Variants in MORN1 observed in about 807,000 individuals in gnomAD.
MORN1 encodes the protein MORN repeat-containing protein 1.
A neutral mutation model predicts 61.9 loss-of-function variants in MORN1; 67 were observed. That is an observed-to-expected ratio of 1.08 (90% confidence interval 0.89 to 1.33). The LOEUF is 1.33. MORN1 is among the 40% of genes most tolerant of loss of function. MORN1 has a pLI of 0.00. For missense variants in MORN1, 752 were observed against 691.2 expected, an observed-to-expected ratio of 1.09 and a Z score of -0.99; for synonymous variants, 301 against 292.0, an observed-to-expected ratio of 1.03 and a Z score of -0.31.
intron 12 of MORN1, 69 bp downstream of exon 12, chr1:2,336,400 C>T: frequency 6.6e-7 from 1 of 1,508,822 alleles, no homozygotes; most frequent in Non-Finnish European, 9.1e-7. Flanking sequence ...CCCCGTCCTC[C>T]TGGCCCAGCT....
chr1:2,374,760 A>G, intron 6 of MORN1: 1 of 554,550 alleles, frequency 1.8e-6, no homozygotes, highest in African/African-American at 1.9e-5. Context: ...TTTGCTTTGC[A>G]AAATATACTC....
At chr1:2,339,193 G>A (rs1003856426) in intron 10 of MORN1, among the ~76,000 whole-genome samples, 3 of 152,158 alleles carry the variant, frequency 2.0e-5, no homozygotes, top group African/African-American at 7.2e-5. Context: ...CCCCAGCCTT[G>A]GCCTCAGAGG....
intron 6 of MORN1, among the ~76,000 whole-genome samples, chr1:2,382,690 T>C (rs1297975561): frequency 1.3e-5 from 2 of 152,250 alleles, no homozygotes; most frequent in East Asian, 1.9e-4. Flanking sequence ...AGTCTGGTCC[T>C]GTAGGATGGA....
chr1:2,390,580 T>C, intron 1 of MORN1: 2 of 985,298 alleles, frequency 2.0e-6, no homozygotes, highest in Non-Finnish European at 2.4e-6. Context: ...CAGGCACATT[T>C]TGTGGGCAGG....
chr1:2,324,019 A>G, intron 13 of MORN1, 78 bp downstream of exon 13: 1 of 1,484,316 alleles, frequency 6.7e-7, no homozygotes, highest in Non-Finnish European at 9.0e-7. Flanking sequence ...CCCCAACCCC[A>G]CCTCCAGCCC....
chr1:2,322,493 G>T, intron 13 of MORN1: 1 of 985,406 alleles, frequency 1.0e-6, no homozygotes, highest in Non-Finnish European at 1.2e-6. Context: ...CGTTCCCAGG[G>T]CTGGACAAGA....
chr1:2,374,643 A>C, intron 6 of MORN1, 86 bp from the exon 7 acceptor site: 1 of 1,174,270 alleles, frequency 8.5e-7, no homozygotes, highest in Non-Finnish European at 1.2e-6. Flanking sequence ...TCCTGGTGCT[A>C]CAGCAGGGCC....
chr1:2,387,882 C>T lies in MORN1; in HGVS notation c.248-353G>A, dbSNP rs1346361334. On this transcript the variant is annotated intron_variant, in intron 3 of 13. Coordinates refer to ENST00000378531, the MANE Select transcript of MORN1 (RefSeq NM_024848.3). ...ACACCTCCACTGAGAACCCACCGAC[C>T]CCTCTGGCGTGAGGGTCTGAGGTTC... 1.2e-5 allele frequency: 5 copies of T among 419,910 alleles called. No homozygotes were observed. The East Asian group carries it at 2.0e-4, about 17-fold the overall frequency. The allele number at this position is 419,910 out of a possible 1,614,324, so 26.0% of individuals were successfully genotyped here.
intron 6 of MORN1, among the ~76,000 whole-genome samples, chr1:2,383,851 C>T (rs1383297395): frequency 5.9e-5 from 9 of 152,152 alleles, no homozygotes; most frequent in Admixed American, 2.0e-4. Flanking sequence ...CTTGGTTAAC[C>T]GTGAAGCACC....
intron 12 of MORN1, among the ~76,000 whole-genome samples, chr1:2,331,557 C>T (rs955319527): frequency 4.6e-5 from 7 of 152,244 alleles, no homozygotes; most frequent in Admixed American, 2.0e-4. Context: ...AGGGTCAGAG[C>T]GTGCCTGAGG....
At position 2,336,726 on chromosome 1, in the gene MORN1, G is replaced by T. The variant is rs897828034; in HGVS notation, c.1161C>A (p.Ser387Arg). ...CCCCGTGGGCACCCACCTTGTGGAG[G>T]CTGTCCAGGAACAGGAAGGGGTGGT... Reference protein sequence around the residue: ...PGYHPFLFLDSLHKKAGGRSR... With the variant: ...PGYHPFLFLDRLHKKAGGRSR... The change falls in exon 11 of 14, where the codon AGC becomes AGA. Residue 387 changes from serine to arginine, a missense_variant. Physicochemically the swap from Ser to Arg is moderately radical, Grantham distance 110. Coordinates refer to ENST00000378531, the MANE Select transcript of MORN1 (RefSeq NM_024848.3). 4 of 1,571,048 alleles carry T rather than the reference G, an allele frequency of 2.5e-6. No individual in the cohort carries two copies. Among genetic ancestry groups the T allele is most frequent in the Non-Finnish European group, 3.5e-6 (4 of 1,159,018 alleles).
chr1:2,329,124 C>T (rs11808208), intron 12 of MORN1, among the ~76,000 whole-genome samples: 3,994 of 152,224 alleles, frequency 0.026, 174 homozygotes, highest in African/African-American at 0.091. Context: ...TTTGGGGGAG[C>T]CTGTTCACCT....
intron 10 of MORN1, among the ~76,000 whole-genome samples, chr1:2,345,857 A>ACACACACACACAC (rs1298968582): frequency 1.0e-5 from 1 of 99,822 alleles, no homozygotes; most frequent in Non-Finnish European, 2.6e-5. Flanking sequence ...ACACACACAG[A>ACACACACACACAC]TGTTTGCTCT....
chr1:2,389,891 G>T, intron 2 of MORN1, 34 bp downstream of exon 2: 1 of 1,591,198 alleles, frequency 6.3e-7, no homozygotes. Flanking sequence ...CTGTGGGGCA[G>T]CAGCTGCAAG....
At chr1:2,341,591 T>A (rs1212771147) in intron 10 of MORN1, among the ~76,000 whole-genome samples, 1 of 150,938 alleles carries the variant, frequency 6.6e-6, no homozygotes, top group African/African-American at 2.4e-5. Flanking sequence ...CTCGGGAGGC[T>A]GAGGCACGAG....
chr1:2,380,257 C>T (rs961384270), intron 6 of MORN1, among the ~76,000 whole-genome samples: 2 of 152,100 alleles, frequency 1.3e-5, no homozygotes, highest in African/African-American at 2.4e-5. Context: ...GACAGAGGTT[C>T]GGGTGGGAAG....
chr1:2,379,212 G>A (rs1402757097), intron 6 of MORN1: 4 of 468,302 alleles, frequency 8.5e-6, no homozygotes, highest in South Asian at 6.3e-5. Flanking sequence ...TCCTACTATA[G>A]ATGGGTGGAT....
At chr1:2,326,898 C>T (rs536065391) in intron 12 of MORN1, among the ~76,000 whole-genome samples, 1 of 152,342 alleles carries the variant, frequency 6.6e-6, no homozygotes, top group African/African-American at 2.4e-5. Flanking sequence ...CCGGGCCTCA[C>T]CCAGGGTCTG....
chr1:2,388,514 G>A, intron 2 of MORN1, 177 bp from the exon 3 acceptor site: 3 of 571,758 alleles, frequency 5.2e-6, no homozygotes, highest in South Asian at 2.2e-5. Flanking sequence ...AAAAATATCT[G>A]CCGAAACACG....
Sources: gnomAD v4.1 joint callset for allele counts (sites outside exome capture counted in the v4.1 genomes callset) on GRCh38, gnomAD v4.1.1 for gene constraint, MANE v1.5 for transcripts, NCBI Gene and HGNC (gene_info 2026-07-23, HGNC 2026-07-21) for gene names.